Variants in CDH16 observed in about 807,000 individuals in gnomAD.
CDH16 encodes the protein cadherin-16.
A neutral mutation model predicts 87.6 loss-of-function variants in CDH16; 79 were observed. The observed-to-expected ratio is 0.90, with a 90% CI of 0.75 to 1.09. The LOEUF is 1.09. Among genes scored for constraint, CDH16 ranks in the 50% least tolerant of loss-of-function variants. The probability of loss-of-function intolerance (pLI) is 0.00; values close to 1 mark genes in which losing one functional copy is unlikely to be tolerated. For missense variants in CDH16, 1,124 were observed against 1,071.7 expected (o/e 1.05, Z -0.68); for synonymous variants, 457 against 439.5 (o/e 1.04, Z -0.50).
intron 3 of CDH16, 30 bp downstream of exon 3, chr16:66,917,612 C>T (rs956316463): frequency 1.2e-5 from 18 of 1,559,244 alleles, no homozygotes; most frequent in Non-Finnish European, 1.5e-5. Flanking sequence ...GAGGGATCCC[C>T]CCGGCCCCAA....
In CDH16 at chr16:66,916,063, A is replaced by G; in HGVS notation, c.424+2T>C. The G allele has an allele frequency of 6.2e-7, 1 of 1,614,112 alleles. No homozygotes were observed. ...TGTAAATTGGCTGCCCTGGTCACTCACCAGGCCTGGTACCCCGGCTCAGCC... is the reference window on the plus strand; with the variant it reads ...TGTAAATTGGCTGCCCTGGTCACTCGCCAGGCCTGGTACCCCGGCTCAGCC... On this transcript the variant is annotated splice_donor_variant, in intron 5 of 17. Coordinates refer to ENST00000299752, the MANE Select transcript of CDH16 (RefSeq NM_004062.4). LOFTEE classifies it high-confidence loss of function. The surrounding 1 kb of genome is among the most constrained non-coding windows in gnomAD (Gnocchi z 4.1).
intron 1 of CDH16, among the ~76,000 whole-genome samples, 164 bp from the exon 2 acceptor site, chr16:66,918,242 CAGGCCCACCA>C (rs1448108938): frequency 6.6e-6 from 1 of 152,218 alleles, no homozygotes; most frequent in East Asian, 1.9e-4. Context: ...GCTCCTCGGC[CAGGCCCACCA>C]AGGCCCCCAG....
rs948024318 is a variant in CDH16 at position 66,916,624 on chromosome 16, C to A, written c.130-195G>T. 2.0e-5 allele frequency among the ~76,000 whole-genome samples: 3 copies of A among 152,094 alleles called. No individual in the cohort carries two copies. Among genetic ancestry groups the A allele is most frequent in the African/African-American group, 7.2e-5 (3 of 41,402 alleles). ...CTCTTTTCCCTGGACCTGATGCTCCCCAAAACTCTCTGCCCTTCTTTCTGA... is the reference window on the plus strand; with the variant it reads ...CTCTTTTCCCTGGACCTGATGCTCCACAAAACTCTCTGCCCTTCTTTCTGA... On this transcript the variant is annotated intron_variant, in intron 3 of 17. Coordinates refer to ENST00000299752, the MANE Select transcript of CDH16 (RefSeq NM_004062.4). This position sits in a 1 kb window ranked among gnomAD's most constrained non-coding sequence, Gnocchi z 4.1.
At chr16:66,911,545 A>G (rs1962416522) in intron 13 of CDH16, among the ~76,000 whole-genome samples, 1 of 152,166 alleles carries the variant, frequency 6.6e-6, no homozygotes, top group Admixed American at 6.5e-5. Flanking sequence ...AAACTCTTAG[A>G]GCCTGGGAGG....
At chr16:66,911,429 G>A (rs1962411145) in intron 13 of CDH16, 114 bp from the exon 14 acceptor site, 3 of 1,105,794 alleles carry the variant, frequency 2.7e-6, no homozygotes, top group African/African-American at 1.6e-5. Flanking sequence ...GTGACTCAGG[G>A]GCCACAGCAA....
At chr16:66,911,793 A>C in intron 13 of CDH16, 106 bp downstream of exon 13, 1 of 1,382,596 alleles carries the variant, frequency 7.2e-7, no homozygotes, top group Admixed American at 2.4e-5. Flanking sequence ...ATAGTTTGAG[A>C]AATTTTGCAG....
intron 3 of CDH16, among the ~76,000 whole-genome samples, chr16:66,917,339 T>A (rs934885950): frequency 6.6e-6 from 1 of 152,034 alleles, no homozygotes; most frequent in African/African-American, 2.4e-5. Context: ...TCAGGCTATG[T>A]GTATAAGATG....
chr16:66,910,038 T>C lies in CDH16; in HGVS notation c.2223A>G (p.Ile741Met), dbSNP rs144633852. The C allele has an allele frequency of 4.1e-4, 668 of 1,613,000 alleles. 5 individuals carry two copies. Among genetic ancestry groups the C allele is most frequent in the Non-Finnish European group, 5.5e-5 (65 of 1,179,346 alleles). Residue 741 changes from isoleucine (I) to methionine (M), a missense_variant, in exon 16 of 18, where the codon ATA becomes ATG. Physicochemically the swap from Ile to Met is conservative, Grantham distance 10 (BLOSUM62 1). Coordinates refer to ENST00000299752, the MANE Select transcript of CDH16 (RefSeq NM_004062.4). ...ALHWVEPREH[I>M]IPVVVSHNAQ... ...CATTGTGGCTGACCACCACGGGGAT[T>C]ATGTGTTCACGTGGCTCCACCCAAT... is the stretch of plus-strand genomic sequence containing the variant.
Position 66,913,273 on chromosome 16 carries a change from G to C in CDH16, c.912C>G (p.Leu304=). Residue 304 remains leucine (L), a synonymous_variant, in exon 9 of 18, where the codon CTC becomes CTG. Transcript: ENST00000299752. ...CATGGGAATTCTGAGCCCGCACCTG[G>C]AGCAGGTACTGCGGTGGGCAGTAGG... is the stretch of plus-strand genomic sequence containing the variant. The part of the protein sequence containing the change: ...LDREAQAEYL[L]QVRAQNSHGE... 6.4e-7 allele frequency: 1 copy of C among 1,555,530 alleles called. No homozygotes were observed. The highest frequency in any genetic ancestry group is 8.7e-7 in the Non-Finnish European group (1 of 1,149,082).
intron 2 of CDH16, 109 bp downstream of exon 2, chr16:66,917,912 G>A: frequency 1.8e-6 from 2 of 1,100,560 alleles, no homozygotes; most frequent in Admixed American, 2.3e-5. Flanking sequence ...CCCCTCCCAT[G>A]CCTTGCACCG....
In CDH16 at chr16:66,912,582, T is replaced by C; in HGVS notation, c.1283-2A>G. ...CGACTTCACACGTGCTGCTGAAGCC[T>C]AGGGCAGAGGTGGACGTGTTGGTGA... is the stretch of plus-strand genomic sequence containing the variant. On this transcript the variant is annotated splice_acceptor_variant, in intron 10 of 17. Transcript: ENST00000299752. LOFTEE classifies it high-confidence loss of function. 1 of 1,614,192 alleles carries C rather than the reference T, an allele frequency of 6.2e-7. No homozygotes were observed.
At chr16:66,910,123 C>T in intron 15 of CDH16, 30 bp from the exon 16 acceptor site, 3 of 1,592,800 alleles carry the variant, frequency 1.9e-6, no homozygotes, top group Non-Finnish European at 2.6e-6. Context: ...AGACCAGGGT[C>T]ACCAGCCTGG....
intron 7 of CDH16, among the ~76,000 whole-genome samples, 191 bp downstream of exon 7, chr16:66,914,025 A>G (rs144767699): frequency 1.9e-4 from 29 of 152,326 alleles, no homozygotes; most frequent in Middle Eastern, 3.4e-3. Flanking sequence ...AGGATGGCAG[A>G]GCAGGCGAGG....
rs1291159624 is a variant in CDH16, at chr16:66,909,587, C to T, written c.2276-204G>A. Among the ~76,000 whole-genome samples, 2 of 152,288 alleles carry T rather than the reference C, an allele frequency of 1.3e-5. No homozygotes were observed. Among genetic ancestry groups the T allele is most frequent in the South Asian group, 2.1e-4 (1 of 4,826 alleles). On this transcript the variant is annotated intron_variant, in intron 16 of 17. Coordinates refer to ENST00000299752, the MANE Select transcript of CDH16 (RefSeq NM_004062.4). The surrounding 1 kb of genome is among the most constrained non-coding windows in gnomAD (Gnocchi z 4.1). Reference sequence around the variant, plus strand: ...TTGGGAGGCCGAAATGGGTGGATCACTTAAGCCAGGAGTTCATGGCTGGCA... The same window carrying T: ...TTGGGAGGCCGAAATGGGTGGATCATTTAAGCCAGGAGTTCATGGCTGGCA...
In CDH16 at chr16:66,913,654, T is replaced by C. The variant is rs545765298; in HGVS notation, c.781-41A>G. On this transcript the variant is annotated intron_variant, in intron 7 of 17. Transcript: ENST00000299752. ...CGGGCCAAGGGGCAGGAACAATCCATGTCAGCCTTTGCGCCCCATCTGATT... is the reference window on the plus strand; with the variant it reads ...CGGGCCAAGGGGCAGGAACAATCCACGTCAGCCTTTGCGCCCCATCTGATT... The C allele has an allele frequency of 1.3e-4, 210 of 1,605,818 alleles. 4 individuals carry two copies. In the South Asian group the frequency reaches 2.2e-3, roughly 17 times the overall value.
At chr16:66,918,353 C>T (rs1249419468) in intron 1 of CDH16, among the ~76,000 whole-genome samples, 1 of 152,242 alleles carries the variant, frequency 6.6e-6, no homozygotes, top group Non-Finnish European at 1.5e-5. Flanking sequence ...ACCATAGCCT[C>T]CCCAGGCCGC....
rs938686974 is a variant in CDH16 at position 66,910,472 on chromosome 16, A to T, written c.1955T>A (p.Leu652Gln). 6.4e-7 allele frequency: 1 copy of T among 1,560,882 alleles called. No individual in the cohort carries two copies. Among genetic ancestry groups the T allele is most frequent in the African/African-American group, 1.4e-5 (1 of 73,764 alleles). ...AGGGGCCTTTAGGAAGTGGATCACCAGGGGTGCAGAAGCGCTCAGTCTCGG... is the reference window on the plus strand; with the variant it reads ...AGGGGCCTTTAGGAAGTGGATCACCTGGGGTGCAGAAGCGCTCAGTCTCGG... ...DEPRLSASAP[L>Q]VIHFLKAPPA... The change falls in exon 15 of 18, where the codon CTG becomes CAG. Residue 652 changes from leucine to glutamine, a missense_variant. Transcript: ENST00000299752.
At chr16:66,910,540 CA>C in intron 14 of CDH16, 38 bp from the exon 15 acceptor site, 3 of 1,461,494 alleles carry the variant, frequency 2.1e-6, no homozygotes, top group Non-Finnish European at 2.7e-6. Flanking sequence ...CAGGTGTTGC[CA>C]GGGGGAGGGT....
At position 66,909,180 on chromosome 16, in the gene CDH16, C is replaced by A; in HGVS notation, c.2392+87G>T. ...GCTTCCTTTTTCAGAGCTAGGGGCA[C>A]CATGGGGACAAAGGTGTTTATTTGG... On this transcript the variant is annotated intron_variant, in intron 17 of 17. Coordinates refer to ENST00000299752, the MANE Select transcript of CDH16 (RefSeq NM_004062.4). This position sits in a 1 kb window ranked among gnomAD's most constrained non-coding sequence, Gnocchi z 4.1. The A allele has an allele frequency of 1.2e-6, 1 of 845,942 alleles. No homozygotes were observed. Among genetic ancestry groups the A allele is most frequent in the Non-Finnish European group, 2.0e-6 (1 of 489,942 alleles). 52.4% of individuals were successfully genotyped at this position (845,942 alleles called of 1,614,324 possible).
Sources: gnomAD v4.1 joint callset for allele counts (sites outside exome capture counted in the v4.1 genomes callset) on GRCh38, gnomAD v4.1.1 for gene constraint, Gnocchi (gnomAD v3.1) non-coding constraint, MANE v1.5 for transcripts, NCBI Gene and HGNC (gene_info 2026-07-23, HGNC 2026-07-21) for gene names.